The following SSBP2 variants were observed in gnomAD, a reference collection of about 807,000 sequenced individuals.
The protein encoded by SSBP2 is single stranded DNA binding protein 2.
Under a neutral mutation model 61.8 loss-of-function variants are expected in SSBP2, and 17 were observed. The ratio of observed to expected loss-of-function variants is 0.28; its 90% CI spans 0.19 to 0.41. The LOEUF is 0.41. Ranked by LOEUF, SSBP2 falls within the 10% of genes least tolerant of loss-of-function variation. The pLI is 1.00. For synonymous variants in SSBP2, 139 were observed against 141.3 expected, an observed-to-expected ratio of 0.98 and a Z score of 0.12; for missense variants, 310 against 458.7, an observed-to-expected ratio of 0.68 and a Z score of 2.96.
chr5:81,506,926 T>C (rs1768223749), intron 5 of SSBP2, among the ~76,000 whole-genome samples: 1 of 152,180 alleles, frequency 6.6e-6, no homozygotes, highest in Non-Finnish European at 1.5e-5. Flanking sequence ...TCAAAAATAT[T>C]ATACACTTTG....
At chr5:81,512,581 A>G (rs1175285982) in intron 5 of SSBP2, among the ~76,000 whole-genome samples, 1 of 152,176 alleles carries the variant, frequency 6.6e-6, no homozygotes, top group Non-Finnish European at 1.5e-5. Context: ...GGGTATTAAT[A>G]CAGAGTAGCT....
At chr5:81,672,120 T>C (rs990894100) in intron 1 of SSBP2, among the ~76,000 whole-genome samples, 1 of 152,172 alleles carries the variant, frequency 6.6e-6, no homozygotes, top group African/African-American at 2.4e-5. Flanking sequence ...TAGCAACTTA[T>C]ATTTATAGTG....
At chr5:81,445,141 TA>T (rs1561407430) in intron 12 of SSBP2, among the ~76,000 whole-genome samples, 9 of 41,740 alleles carry the variant, frequency 2.2e-4, no homozygotes, top group African/African-American at 9.2e-4. Flanking sequence ...AAAAATTTTA[TA>T]TATATATATA....
At chr5:81,617,746 C>T (rs1431562715) in intron 3 of SSBP2, among the ~76,000 whole-genome samples, 7 of 91,956 alleles carry the variant, frequency 7.6e-5, no homozygotes, top group African/African-American at 4.4e-5. Context: ...AGACTAACAG[C>T]GGATCTCTCG....
At chr5:81,699,038 G>A (rs984720943) in intron 1 of SSBP2, among the ~76,000 whole-genome samples, 1 of 152,100 alleles carries the variant, frequency 6.6e-6, no homozygotes, top group African/African-American at 2.4e-5. Flanking sequence ...GCTTCACAAC[G>A]CATATAAAAG....
chr5:81,543,509 G>C (rs1173309606), intron 4 of SSBP2, among the ~76,000 whole-genome samples: 2 of 152,152 alleles, frequency 1.3e-5, no homozygotes, highest in Non-Finnish European at 2.9e-5. Context: ...CTAGAGGGGA[G>C]AGGAAGAGAG....
intron 4 of SSBP2, 24 bp downstream of exon 4, chr5:81,615,449 T>C: frequency 1.3e-6 from 2 of 1,570,252 alleles, no homozygotes; most frequent in Non-Finnish European, 1.8e-6. Context: ...CAGTGTAACT[T>C]TGTAAAATTA....
intron 4 of SSBP2, among the ~76,000 whole-genome samples, chr5:81,518,651 G>A (rs1226533214): frequency 6.6e-6 from 1 of 152,000 alleles, no homozygotes; most frequent in Non-Finnish European, 1.5e-5. Context: ...CCATCTGTAG[G>A]TACTTTATGA....
At chr5:81,506,259 T>G (rs1393070343) in intron 5 of SSBP2, among the ~76,000 whole-genome samples, 1 of 152,126 alleles carries the variant, frequency 6.6e-6, no homozygotes, top group Non-Finnish European at 1.5e-5. Flanking sequence ...TTAAACTTAA[T>G]TTTTATTTCT....
At chr5:81,556,463 C>T (rs1278499364) in intron 4 of SSBP2, among the ~76,000 whole-genome samples, 1 of 151,952 alleles carries the variant, frequency 6.6e-6, no homozygotes, top group Non-Finnish European at 1.5e-5. Flanking sequence ...AATTTTAGTC[C>T]CTGTTTCGAA....
At chr5:81,636,730 A>G in intron 2 of SSBP2, 112 bp from the exon 3 acceptor site, 3 of 866,312 alleles carry the variant, frequency 3.5e-6, no homozygotes, top group Non-Finnish European at 5.2e-6. Flanking sequence ...ATTTTTCATC[A>G]TTTTCATGAT....
At chr5:81,626,833 T>C (rs879762755) in intron 3 of SSBP2, among the ~76,000 whole-genome samples, 4 of 152,216 alleles carry the variant, frequency 2.6e-5, no homozygotes, top group African/African-American at 9.6e-5. Flanking sequence ...ATTAATGACT[T>C]ATTAATAGTG....
chr5:81,497,152 C>T (rs1767350208), intron 5 of SSBP2, among the ~76,000 whole-genome samples: 1 of 152,264 alleles, frequency 6.6e-6, no homozygotes, highest in Non-Finnish European at 1.5e-5. Flanking sequence ...TTTTCTGGAA[C>T]ATTTTTGGTG....
intron 4 of SSBP2, among the ~76,000 whole-genome samples, chr5:81,587,736 TACACACACACGC>T (rs1775163256): frequency 6.9e-6 from 1 of 144,002 alleles, no homozygotes; most frequent in African/African-American, 2.6e-5. Context: ...TCTCAAAACA[TACACACACACGC>T]ACACACACGC....
intron 6 of SSBP2, among the ~76,000 whole-genome samples, chr5:81,485,100 T>A (rs1414733704): frequency 1.3e-5 from 2 of 152,178 alleles, no homozygotes; most frequent in Admixed American, 1.3e-4. Context: ...GCATATTTTA[T>A]CCATGGGAAG....
chr5:81,458,655 T>C (rs758454212), intron 10 of SSBP2, among the ~76,000 whole-genome samples: 6 of 152,188 alleles, frequency 3.9e-5, no homozygotes, highest in Non-Finnish European at 5.9e-5. Context: ...ACTGTATTGG[T>C]ACGAACTGAA....
At chr5:81,481,575 G>A (rs1765990944) in intron 6 of SSBP2, among the ~76,000 whole-genome samples, 1 of 150,598 alleles carries the variant, frequency 6.6e-6, no homozygotes, top group Non-Finnish European at 1.5e-5. Context: ...AGCCGAGATT[G>A]CGCCACTGCT....
intron 4 of SSBP2, among the ~76,000 whole-genome samples, chr5:81,590,652 T>G (rs750742431): frequency 6.6e-6 from 1 of 152,204 alleles, no homozygotes; most frequent in Non-Finnish European, 1.5e-5. Context: ...AGAAAAACTG[T>G]TGGACAACAA....
chr5:81,513,832 T>C, intron 4 of SSBP2, 115 bp from the exon 5 acceptor site: 1 of 615,448 alleles, frequency 1.6e-6, no homozygotes, highest in Non-Finnish European at 2.9e-6. Flanking sequence ...GAACAAATAC[T>C]GGTAATTTTC....
Sources: allele counts gnomAD v4.1 joint callset (sites outside exome capture counted in the v4.1 genomes callset), GRCh38; gene constraint gnomAD v4.1.1; transcripts MANE v1.5; gene names NCBI Gene and HGNC (gene_info 2026-07-23, HGNC 2026-07-21).